The following ALDH16A1 variants were observed in gnomAD, a reference collection of about 807,000 sequenced individuals.
ALDH16A1 encodes aldehyde dehydrogenase 16 family member A1.
A neutral mutation model predicts 96.1 loss-of-function variants in ALDH16A1; 88 were observed. The ratio of observed to expected loss-of-function variants is 0.92; its 90% CI spans 0.77 to 1.09. The LOEUF is 1.09. Ranked by LOEUF, ALDH16A1 falls within the 50% of genes least tolerant of loss-of-function variation. ALDH16A1 has a pLI of 0.00. For missense variants in ALDH16A1, 1,250 were observed against 1,112.6 expected, an observed-to-expected ratio of 1.12 and a Z score of -1.76; for synonymous variants, 522 against 496.4, an observed-to-expected ratio of 1.05 and a Z score of -0.69.
intron 1 of ALDH16A1, 43 bp downstream of exon 1, chr19:49,453,464 G>C (rs1474573201): frequency 1.1e-5 from 16 of 1,483,438 alleles, no homozygotes; most frequent in Non-Finnish European, 1.4e-5. Context: ...CGTTCCCCAG[G>C]CCTGGGCGCC....
At position 49,470,477 on chromosome 19, in the gene ALDH16A1, G is replaced by A. The variant is rs761586479; in HGVS notation, c.*10G>A. 1 of 1,542,052 alleles carries A rather than the reference G, an allele frequency of 6.5e-7. No individual in the cohort carries two copies. The highest frequency in any genetic ancestry group is 8.7e-7 in the Non-Finnish European group (1 of 1,147,090). ...GCCTATGGGGGACTGATGCCTGAGC[G>A]CCACCTACTGCATTTTGGACACCTC... On this transcript the variant is annotated 3_prime_UTR_variant, in exon 17 of 17. Transcript: ENST00000293350.
chr19:49,468,345 T>C lies in ALDH16A1; in HGVS notation c.1939-36T>C, dbSNP rs779023322. The C allele has an allele frequency of 4.4e-6, 7 of 1,584,312 alleles. No individual in the cohort carries two copies. On this transcript the variant is annotated intron_variant, in intron 14 of 16. Transcript: ENST00000293350. This position sits in a 1 kb window ranked among gnomAD's most constrained non-coding sequence, Gnocchi z 4.4. ...ATCTCTCATTTACTGCGGGCGGGGC[T>C]CCCCTGCCCCACACGTGACCCACCT...
chr19:49,457,615 A>G (rs938739462), intron 1 of ALDH16A1, among the ~76,000 whole-genome samples: 1 of 149,056 alleles, frequency 6.7e-6, no homozygotes, highest in Non-Finnish European at 1.5e-5. Flanking sequence ...TGGTAAAAAA[A>G]TTTTTTTTCT....
At chr19:49,460,967 C>T (rs2079136651) in intron 5 of ALDH16A1, 68 bp downstream of exon 5, 2 of 1,520,846 alleles carry the variant, frequency 1.3e-6, no homozygotes, top group East Asian at 4.5e-5. Flanking sequence ...GGCCCAAACT[C>T]CAGAGTCTGA....
chr19:49,468,269 T>A lies in ALDH16A1; in HGVS notation c.1939-112T>A. ...TGCGAAATGGCAGGGGCTTCCACAA[T>A]GGTGCGGTTTGGGCCAACACCAAGT... On this transcript the variant is annotated intron_variant, in intron 14 of 16. Transcript: ENST00000293350. This position sits in a 1 kb window ranked among gnomAD's most constrained non-coding sequence, Gnocchi z 4.4. 1 of 1,109,144 alleles carries A rather than the reference T, an allele frequency of 9.0e-7. No homozygotes were observed. Among genetic ancestry groups the A allele is most frequent in the Admixed American group, 2.4e-5 (1 of 41,064 alleles). 68.7% of individuals were successfully genotyped at this position (1,109,144 alleles called of 1,614,324 possible).
chr19:49,466,159 C>T lies in ALDH16A1; in HGVS notation c.1814C>T (p.Thr605Ile). 1.3e-6 allele frequency: 2 copies of T among 1,559,848 alleles called. No homozygotes were observed. The highest frequency in any genetic ancestry group is 2.3e-5 in the East Asian group (1 of 42,736). The change falls in exon 14 of 17, where the codon ACC (threonine) becomes ATC (isoleucine). Residue 605 changes from threonine to isoleucine, a missense_variant. By Grantham distance (89) the Thr-to-Ile change is moderately conservative (BLOSUM62 -1). Transcript: ENST00000293350. ...LAAALERRKS[T>I]LASRLERQGA... ...GCTGCACTGGAGCGCCGGAAGTCTA[C>T]CCTGGCCTCGAGGCTGGAGAGGCAG...
chr19:49,459,036 T>C lies in ALDH16A1; in HGVS notation c.270T>C (p.Phe90=). Residue 90 remains phenylalanine (F), a synonymous_variant, in exon 3 of 17, where the codon TTT becomes TTC. Coordinates refer to ENST00000293350, the MANE Select transcript of ALDH16A1 (RefSeq NM_153329.4). This position sits in a 1 kb window ranked among gnomAD's most constrained non-coding sequence, Gnocchi z 4.1. ...AAAVEAARMA[F]KGWSAHPGVV... is the part of the protein sequence containing the mutation. ...CCGTGGAGGCAGCCAGGATGGCATT[T>C]AAGGGCTGGAGTGCGCACCCCGGCG... 6.2e-7 allele frequency: 1 copy of C among 1,613,386 alleles called. No homozygotes were observed. The highest frequency in any genetic ancestry group is 2.2e-5 in the East Asian group (1 of 44,886).
chr19:49,462,606 G>A lies in ALDH16A1; in HGVS notation c.949G>A (p.Asp317Asn). ...GCTCCTCATCCAGGAGTCTGTGTGG[G>A]ATGAAGCCATGAGACGGCTGCAGGA... is the stretch of plus-strand genomic sequence containing the variant. ...LRLLIQESVW[D>N]EAMRRLQERM... Residue 317 changes from aspartate to asparagine, a missense_variant, in exon 8 of 17, where the codon GAT becomes AAT. Transcript: ENST00000293350. 6.2e-7 allele frequency: 1 copy of A among 1,613,146 alleles called. No individual in the cohort carries two copies.
rs777310218 is a variant in ALDH16A1, at chr19:49,453,416, GCA to G, written c.87_88del (p.Leu30GlyfsTer22). ...YGPVPESHACALAWLDTQDRC... is the reference protein window; with the variant it reads ...YGPVPESHACXLAWLDTQDRC... ...ACCGGTGCCGGAGAGCCACGCATGC[GCA>G]CTGGTGAGAGTCTGCCCGGCCGGCG... On this transcript the variant is annotated frameshift_variant, in exon 1 of 17. Transcript: ENST00000293350. LOFTEE classifies it high-confidence loss of function. The G allele has an allele frequency of 1.9e-6, 3 of 1,548,852 alleles. No individual in the cohort carries two copies. The highest frequency in any genetic ancestry group is 2.6e-6 in the Non-Finnish European group (3 of 1,148,474).
Position 49,459,061 on chromosome 19 carries a change from G to A in ALDH16A1, c.295G>A (p.Val99Ile), listed in dbSNP as rs372875063. Residue 99 changes from valine (V) to isoleucine (I), a missense_variant, in exon 3 of 17, where the codon GTC (valine) becomes ATC (isoleucine). Coordinates refer to ENST00000293350, the MANE Select transcript of ALDH16A1 (RefSeq NM_153329.4). The surrounding 1 kb of genome is among the most constrained non-coding windows in gnomAD (Gnocchi z 4.1). ...TAAGGGCTGGAGTGCGCACCCCGGC[G>A]TCGTCCGGGCCCAGCACCTGACCAG... ...AFKGWSAHPG[V>I]VRAQHLTRLA... is the part of the protein sequence containing the mutation. 30 of 1,612,926 alleles carry A rather than the reference G, an allele frequency of 1.9e-5. No individual in the cohort carries two copies. The highest frequency in any genetic ancestry group is 1.6e-4 in the Middle Eastern group (1 of 6,082).
At position 49,470,413 on chromosome 19, in the gene ALDH16A1, G is replaced by T; in HGVS notation, c.2355G>T (p.Glu785Asp). The change falls in exon 17 of 17, where the codon GAG becomes GAT. Residue 785 changes from glutamate (E) to aspartate (D), a missense_variant. Glu to Asp is a conservative substitution (Grantham distance 45, BLOSUM62 2). Transcript: ENST00000293350. The part of the protein sequence containing the change: ...WDQEAEGAGP[E>D]LGLRVARTKA... ...AGGAGGCCGAGGGGGCAGGCCCAGA[G>T]CTGGGGCTGCGAGTGGCGCGGACCA... The T allele has an allele frequency of 6.2e-7, 1 of 1,608,712 alleles. No individual in the cohort carries two copies. Among genetic ancestry groups the T allele is most frequent in the Non-Finnish European group, 8.5e-7 (1 of 1,178,142 alleles).
In ALDH16A1 at chr19:49,459,856, C is replaced by T. The variant is rs1404125282; in HGVS notation, c.499+8C>T. 5 of 1,612,004 alleles carry T rather than the reference C, an allele frequency of 3.1e-6. No homozygotes were observed. The highest frequency in any genetic ancestry group is 4.2e-6 in the Non-Finnish European group (5 of 1,179,324). Reference sequence around the variant, plus strand: ...CAGGCTGGGAGCCCATGGGTGAGACCCTGGAGTCCCTAGCCCTATCCTCCC... The same window carrying T: ...CAGGCTGGGAGCCCATGGGTGAGACTCTGGAGTCCCTAGCCCTATCCTCCC... On this transcript the variant is annotated splice_region_variant and intron_variant, in intron 4 of 16. Coordinates refer to ENST00000293350, the MANE Select transcript of ALDH16A1 (RefSeq NM_153329.4). This position sits in a 1 kb window ranked among gnomAD's most constrained non-coding sequence, Gnocchi z 4.1.
intron 12 of ALDH16A1, 147 bp downstream of exon 12, chr19:49,464,909 C>T: frequency 1.9e-5 from 24 of 1,279,056 alleles, no homozygotes; most frequent in Non-Finnish European, 2.6e-5. Context: ...CTCACACTTT[C>T]CCTACCCCAG....
intron 1 of ALDH16A1, 53 bp downstream of exon 1, chr19:49,453,474 C>T: frequency 6.8e-7 from 1 of 1,469,720 alleles, no homozygotes; most frequent in Non-Finnish European, 9.1e-7. Context: ...GCCTGGGCGC[C>T]CGGTTTTTCG....
chr19:49,461,327 A>G (rs1462549904), intron 5 of ALDH16A1, among the ~76,000 whole-genome samples: 91 of 4,180 alleles, frequency 0.022, no homozygotes, highest in South Asian at 0.036. Flanking sequence ...AGGGGCTGGG[A>G]CCTGGACTCC....
intron 7 of ALDH16A1, 130 bp downstream of exon 7, chr19:49,462,166 C>T (rs914511055): frequency 3.0e-6 from 4 of 1,322,742 alleles, no homozygotes; most frequent in Non-Finnish European, 3.9e-6. Context: ...GAGTTTCACT[C>T]TTGTCGCCCA....
intron 1 of ALDH16A1, 161 bp downstream of exon 1, chr19:49,453,582 T>C (rs976494871): frequency 3.1e-6 from 2 of 637,866 alleles, no homozygotes; most frequent in African/African-American, 3.6e-5. Context: ...TGTAGGACGC[T>C]CCCTTGAGCC....
intron 12 of ALDH16A1, 133 bp downstream of exon 12, chr19:49,464,895 T>C: frequency 7.1e-7 from 1 of 1,405,244 alleles, no homozygotes; most frequent in Non-Finnish European, 9.7e-7. Flanking sequence ...TACCACGTTG[T>C]GGCCTCACAC....
In ALDH16A1 at chr19:49,465,742, G is replaced by C; in HGVS notation, c.1573G>C (p.Ala525Pro). The change falls in exon 13 of 17, where the codon GCA (alanine) becomes CCA (proline). Residue 525 changes from alanine to proline, a missense_variant. Physicochemically the swap from Ala to Pro is conservative, Grantham distance 27. Coordinates refer to ENST00000293350, the MANE Select transcript of ALDH16A1 (RefSeq NM_153329.4). ...TCATGTCCCACCCTACTCCAGCCCA[G>C]CACCCCCCTATGGGCTCTTCGTTGG... The part of the protein sequence containing the change: ...PAGPEIGPSP[A>P]PPYGLFVGGR... 6.2e-7 allele frequency: 1 copy of C among 1,612,752 alleles called. No homozygotes were observed. Among genetic ancestry groups the C allele is most frequent in the Admixed American group, 1.7e-5 (1 of 59,950 alleles).
Sources: allele counts gnomAD v4.1 joint callset (sites outside exome capture counted in the v4.1 genomes callset), GRCh38; gene constraint gnomAD v4.1.1; non-coding constraint Gnocchi (gnomAD v3.1); transcripts MANE v1.5; gene names NCBI Gene and HGNC (gene_info 2026-07-23, HGNC 2026-07-21).